Variants in P2RY8 observed in about 807,000 individuals in gnomAD.
P2RY8 encodes the protein P2Y receptor family member 8.
In P2RY8, 6 loss-of-function variants were observed where a neutral mutation model predicts 10.0. The ratio of observed to expected loss-of-function variants is 0.60; its 90% CI spans 0.33 to 1.19. P2RY8 has a LOEUF of 1.19. P2RY8 is among the 50% of genes most tolerant of loss of function. The pLI is 0.04. For missense variants in P2RY8, 456 were observed against 542.0 expected (o/e 0.84, Z 1.58); for synonymous variants, 276 against 252.5 (o/e 1.09, Z -0.88).
chrX:1,486,553 G>A (rs2091987851), intron 1 of P2RY8, among the ~76,000 whole-genome samples: 2 of 152,186 alleles, frequency 1.3e-5, no homozygotes, highest in Non-Finnish European at 2.9e-5. Context: ...ACCATGGCTG[G>A]GACTGGGGAT....
chrX:1,507,042 C>A, intron 1 of P2RY8, among the ~76,000 whole-genome samples: 1 of 22,436 alleles, frequency 4.5e-5, no homozygotes, highest in Non-Finnish European at 1.7e-4. Context: ...TTCAGGGGTC[C>A]TAGGAGCTGG....
chrX:1,527,711 A>T (rs1277624442), intron 1 of P2RY8, among the ~76,000 whole-genome samples: 1 of 117,110 alleles, frequency 8.5e-6, no homozygotes, highest in South Asian at 2.6e-4. Flanking sequence ...TCATCTATCC[A>T]TCCATCCATC....
chrX:1,525,687 G>T (rs187332025), intron 1 of P2RY8, among the ~76,000 whole-genome samples: 1 of 151,404 alleles, frequency 6.6e-6, no homozygotes, highest in Non-Finnish European at 1.5e-5. Context: ...ATGTATTCAT[G>T]CATCCATTCA....
At chrX:1,535,337 G>A (rs1385443954) in intron 1 of P2RY8, among the ~76,000 whole-genome samples, 2 of 151,326 alleles carry the variant, frequency 1.3e-5, no homozygotes, top group South Asian at 2.1e-4. Context: ...ACAGGTGCCC[G>A]CCGCCACACT....
At chrX:1,528,840 A>G (rs1179996244) in intron 1 of P2RY8, among the ~76,000 whole-genome samples, 1 of 151,666 alleles carries the variant, frequency 6.6e-6, no homozygotes, top group African/African-American at 2.4e-5. Flanking sequence ...ATGAGTGTGG[A>G]TTTGAGTCTC....
intron 1 of P2RY8, among the ~76,000 whole-genome samples, chrX:1,509,751 G>GTCTGTCTATCTATCTATCTA (rs2092281562): frequency 5.1e-5 from 4 of 78,234 alleles, no homozygotes; most frequent in Non-Finnish European, 7.9e-5. Context: ...GTATCTATCT[G>GTCTGTCTATCTATCTATCTA]TCTATCTATC....
intron 1 of P2RY8, among the ~76,000 whole-genome samples, chrX:1,496,467 G>A (rs1259262262): frequency 2.0e-5 from 3 of 152,100 alleles, no homozygotes; most frequent in East Asian, 1.9e-4. Context: ...CCCTCTCAGA[G>A]GGTTTCTCTC....
At chrX:1,470,201 T>G (rs2091766838) in intron 1 of P2RY8, among the ~76,000 whole-genome samples, 1 of 81,024 alleles carries the variant, frequency 1.2e-5, no homozygotes. Context: ...GTTACTAAAA[T>G]TAAACAAACA....
At chrX:1,509,751 G>GTATCTATCTGTCTATCTATCTATCTA (rs1481742595) in intron 1 of P2RY8, among the ~76,000 whole-genome samples, 1 of 78,300 alleles carries the variant, frequency 1.3e-5, no homozygotes, top group Non-Finnish European at 2.6e-5. Context: ...GTATCTATCT[G>GTATCTATCTGTCTATCTATCTATCTA]TCTATCTATC....
rs2092532224 is a variant in P2RY8 at position 1,536,983 on chromosome X, G to A, written c.-87C>T. 4.3e-6 allele frequency: 1 copy of A among 231,754 alleles called. No homozygotes were observed. Among genetic ancestry groups the A allele is most frequent in the Non-Finnish European group, 8.5e-6 (1 of 117,218 alleles). 14.4% of individuals were successfully genotyped at this position (231,754 alleles called of 1,614,324 possible). A position where few individuals can be genotyped will look rare whatever the true frequency, so the allele number is the denominator to read the frequency against. The stretch of plus-strand genomic sequence containing the variant: ...TCAGAGGGTCTCCAGGTAACAGGAT[G>A]CAACGCTTAAGTCGACGGCCGTGCC... On this transcript the variant is annotated 5_prime_UTR_variant, in exon 1 of 2. Transcript: ENST00000381297.
At position 1,497,268 on chromosome X, in the gene P2RY8, A is replaced by G. The variant is rs559966883; in HGVS notation, c.-24-30686T>C. On this transcript the variant is annotated intron_variant, in intron 1 of 1. Transcript: ENST00000381297. ...AAAAAGAAAAAAAAGAAACTCAAACATCACAGAGAGAGATCAATGTTTTTT... is the reference window on the plus strand; with the variant it reads ...AAAAAGAAAAAAAAGAAACTCAAACGTCACAGAGAGAGATCAATGTTTTTT... Among the ~76,000 whole-genome samples the G allele has an allele frequency of 1.6e-3, 240 of 150,690 alleles. 14 individuals carry two copies. In the South Asian group the frequency reaches 0.049, roughly 31 times the overall value.
chrX:1,475,556 C>G (rs1209962241), intron 1 of P2RY8, among the ~76,000 whole-genome samples: 1 of 151,510 alleles, frequency 6.6e-6, no homozygotes, highest in East Asian at 1.9e-4. Flanking sequence ...AACCAATACA[C>G]CGAGAAAAGA....
intron 1 of P2RY8, among the ~76,000 whole-genome samples, chrX:1,477,006 C>A (rs1470619945): frequency 1.3e-5 from 2 of 151,920 alleles, no homozygotes; most frequent in Non-Finnish European, 2.9e-5. Context: ...TTGGCCAACA[C>A]GGTGAAGCCC....
At position 1,462,740 on chromosome X, in the gene P2RY8, C is replaced by T. The variant is rs1249040730; in HGVS notation, c.*2739G>A. 6 of 233,174 alleles carry T rather than the reference C, an allele frequency of 2.6e-5. No individual in the cohort carries two copies. Among genetic ancestry groups the T allele is most frequent in the South Asian group, 1.8e-4 (1 of 5,532 alleles). 14.4% of individuals were successfully genotyped at this position (233,174 alleles called of 1,614,324 possible). ...CTGAGATTACCGGCATGAGCTGCCA[C>T]GCCTTGATGGAGGCTGAGACTTTTT... On this transcript the variant is annotated 3_prime_UTR_variant, in exon 2 of 2. Transcript: ENST00000381297.
chrX:1,528,480 T>C (rs756930491), intron 1 of P2RY8, among the ~76,000 whole-genome samples: 63 of 152,358 alleles, frequency 4.1e-4, no homozygotes, highest in Admixed American at 2.0e-3. Flanking sequence ...AAGTCTTGCA[T>C]TCATCCTCAT....
intron 1 of P2RY8, among the ~76,000 whole-genome samples, chrX:1,499,166 T>TTC (rs1556680511): frequency 3.7e-5 from 4 of 107,860 alleles, no homozygotes; most frequent in Admixed American, 8.4e-5. Context: ...TTCTTTTCTT[T>TTC]TTTTTTTTTT....
chrX:1,534,765 C>A (rs2092512355), intron 1 of P2RY8, among the ~76,000 whole-genome samples: 2 of 152,116 alleles, frequency 1.3e-5, no homozygotes, highest in Non-Finnish European at 2.9e-5. Context: ...TACGTATGCA[C>A]CACTGGCAAC....
intron 1 of P2RY8, among the ~76,000 whole-genome samples, chrX:1,495,071 T>G (rs2092103059): frequency 6.8e-6 from 1 of 146,742 alleles, no homozygotes; most frequent in African/African-American, 2.7e-5. Flanking sequence ...CTAAGACAGT[T>G]TTTTATTTGG....
intron 1 of P2RY8, among the ~76,000 whole-genome samples, chrX:1,535,704 CACACACACACAG>C (rs1156965683): frequency 1.5e-4 from 22 of 147,770 alleles, no homozygotes; most frequent in South Asian, 4.3e-4. Flanking sequence ...CACACACACA[CACACACACACAG>C]ACACACACAC....
Sources: gnomAD v4.1 joint callset for allele counts (sites outside exome capture counted in the v4.1 genomes callset) on GRCh38, gnomAD v4.1.1 for gene constraint, MANE v1.5 for transcripts, NCBI Gene and HGNC (gene_info 2026-07-23, HGNC 2026-07-21) for gene names.